VOPP1: variants seen among roughly 807,000 people sequenced by gnomAD.
The protein encoded by VOPP1 is VOPP1 WW domain binding protein, also known as WW domain binding protein VOPP1.
A neutral mutation model predicts 23.5 loss-of-function variants in VOPP1; 8 were observed. The observed-to-expected ratio is 0.34, with a 90% CI of 0.20 to 0.61. The LOEUF (loss-of-function observed/expected upper bound fraction) is 0.61, where lower values mean the gene tolerates loss of function less well. Ranked by LOEUF, VOPP1 falls within the 20% of genes least tolerant of loss-of-function variation. The pLI is 0.78. For missense variants in VOPP1, 174 were observed against 238.1 expected, an observed-to-expected ratio of 0.73 and a Z score of 1.77; for synonymous variants, 83 against 97.3, an observed-to-expected ratio of 0.85 and a Z score of 0.86.
chr7:55,490,083 G>A (rs1051794240), intron 4 of VOPP1, among the ~76,000 whole-genome samples: 6 of 152,086 alleles, frequency 3.9e-5, no homozygotes, highest in African/African-American at 1.4e-4. Context: ...AGCTGTGAAT[G>A]CGTCCTCAGT....
rs756736878 is a variant in VOPP1 at position 55,474,570 on chromosome 7, A to G, written c.329-1525T>C. 3.2e-4 allele frequency among the ~76,000 whole-genome samples: 48 copies of G among 152,362 alleles called. 1 individual carries two copies. The highest frequency in any genetic ancestry group is 3.4e-3 in the Middle Eastern group (1 of 294). ...GAAAAGGCCCTAGGTTCTGCTCACA[A>G]TAAGGGCCCCCCAACAGGCAGGGCA... On this transcript the variant is annotated intron_variant, in intron 4 of 4. Transcript: ENST00000285279.
At chr7:55,527,422 A>C (rs1448698854) in intron 1 of VOPP1, among the ~76,000 whole-genome samples, 2 of 152,244 alleles carry the variant, frequency 1.3e-5, no homozygotes, top group Non-Finnish European at 2.9e-5. Context: ...ACCACACCTG[A>C]AATTCACACA....
At chr7:55,501,860 C>T (rs1411862647) in intron 2 of VOPP1, among the ~76,000 whole-genome samples, 1 of 152,180 alleles carries the variant, frequency 6.6e-6, no homozygotes, top group Non-Finnish European at 1.5e-5. Context: ...CACCCTCTGC[C>T]ACCAAGATGC....
At chr7:55,542,928 T>A (rs1018382983) in intron 1 of VOPP1, among the ~76,000 whole-genome samples, 1 of 152,148 alleles carries the variant, frequency 6.6e-6, no homozygotes, top group Non-Finnish European at 1.5e-5. Flanking sequence ...TTATTTTTAT[T>A]TTTTTGGAGA....
At chr7:55,560,469 T>C (rs1797949373) in intron 1 of VOPP1, among the ~76,000 whole-genome samples, 1 of 152,088 alleles carries the variant, frequency 6.6e-6, no homozygotes, top group African/African-American at 2.4e-5. Flanking sequence ...ACAGAATCGC[T>C]GGCTTTGAAG....
chr7:55,539,070 G>T (rs1455308533), intron 1 of VOPP1, among the ~76,000 whole-genome samples: 1 of 151,330 alleles, frequency 6.6e-6, no homozygotes, highest in Non-Finnish European at 1.5e-5. Flanking sequence ...GGTGCCGGGT[G>T]TGATGGCTCA....
At chr7:55,541,789 T>C (rs1210711390) in intron 1 of VOPP1, among the ~76,000 whole-genome samples, 1 of 152,214 alleles carries the variant, frequency 6.6e-6, no homozygotes, top group African/African-American at 2.4e-5. Context: ...ATTCATGCTA[T>C]AACACAAGAG....
At chr7:55,482,347 ATTTTTT>A (rs11292753) in intron 4 of VOPP1, among the ~76,000 whole-genome samples, 7 of 127,794 alleles carry the variant, frequency 5.5e-5, no homozygotes, top group African/African-American at 2.0e-4. Flanking sequence ...GAAGGGAGGT[ATTTTTT>A]TTTTTTTTTT....
At chr7:55,540,214 A>C (rs1797057496) in intron 1 of VOPP1, among the ~76,000 whole-genome samples, 1 of 151,994 alleles carries the variant, frequency 6.6e-6, no homozygotes, top group South Asian at 2.1e-4. Context: ...CCTGGCCAAC[A>C]CAGTGAAACC....
chr7:55,572,491 T>G lies in VOPP1; in HGVS notation c.-167A>C, dbSNP rs1798405571. The G allele has an allele frequency of 8.6e-6, 2 of 231,712 alleles. No individual in the cohort carries two copies. Among genetic ancestry groups the G allele is most frequent in the Non-Finnish European group, 1.4e-5 (2 of 145,500 alleles). 14.4% of individuals were successfully genotyped at this position (231,712 alleles called of 1,614,324 possible). A position where few individuals can be genotyped will look rare whatever the true frequency, so the allele number is the denominator to read the frequency against. ...GGAGCCGGGGCGCGCCGCGCAGCCC[T>G]GGCTGCGCTCCGCCCCCGGCCGCCG... is the stretch of plus-strand genomic sequence containing the variant. On this transcript the variant is annotated 5_prime_UTR_variant, in exon 1 of 5. Transcript: ENST00000285279.
intron 3 of VOPP1, among the ~76,000 whole-genome samples, chr7:55,495,059 G>T (rs1338315949): frequency 2.6e-5 from 4 of 151,584 alleles, no homozygotes; most frequent in Non-Finnish European, 5.9e-5. Flanking sequence ...CGACCCCCCA[G>T]CCCCGAGTGT....
rs928945123 is a variant in VOPP1 at position 55,436,671 on chromosome 7, CGTGT to C, written n.418-501_418-498del. Among the ~76,000 whole-genome samples the C allele has an allele frequency of 4.0e-5, 6 of 149,286 alleles. No individual in the cohort carries two copies. In the South Asian group the frequency reaches 6.4e-4, roughly 16 times the overall value. The stretch of plus-strand genomic sequence containing the variant: ...GTGGGTGTGTGTGCGTGTGTGCGTG[CGTGT>C]GCGTGTGTGCATGTGCATGCGTGTG... On this transcript the variant is annotated intron_variant and non_coding_transcript_variant, in intron 4 of 4. Transcript: ENST00000462326.
At chr7:55,525,760 A>C (rs575252603) in intron 1 of VOPP1, among the ~76,000 whole-genome samples, 1 of 137,504 alleles carries the variant, frequency 7.3e-6, no homozygotes, top group East Asian at 2.2e-4. Flanking sequence ...TTAGTTTTCC[A>C]AAATCTCCCT....
intron 4 of VOPP1, among the ~76,000 whole-genome samples, chr7:55,485,512 A>G (rs1465352954): frequency 6.6e-6 from 1 of 152,236 alleles, no homozygotes; most frequent in African/African-American, 2.4e-5. Flanking sequence ...AGGGACTTCC[A>G]AATTCAGCCT....
At position 55,565,247 on chromosome 7, in the gene VOPP1, C is replaced by A. The variant is rs182615842; in HGVS notation, c.54+7024G>T. Among the ~76,000 whole-genome samples, 649 of 152,304 alleles carry A rather than the reference C, an allele frequency of 4.3e-3. 23 individuals carry two copies. The highest frequency in any genetic ancestry group is 0.041 in the Admixed American group (627 of 15,296). On this transcript the variant is annotated intron_variant, in intron 1 of 4. Coordinates refer to ENST00000285279, the MANE Select transcript of VOPP1 (RefSeq NM_030796.5). ...GGTATCTGAATGCAGATCACCTTCG[C>A]GTTTAGACACCCTCCTCCCGCATTC...
At chr7:55,564,839 T>C (rs1798113238) in intron 1 of VOPP1, among the ~76,000 whole-genome samples, 1 of 152,122 alleles carries the variant, frequency 6.6e-6, no homozygotes, top group East Asian at 1.9e-4. Flanking sequence ...TACAGGTGTA[T>C]GTCAGTGGGA....
chr7:55,478,049 G>A (rs983449717), intron 4 of VOPP1, among the ~76,000 whole-genome samples: 1 of 152,224 alleles, frequency 6.6e-6, no homozygotes, highest in African/African-American at 2.4e-5. Context: ...ACAAAGAAGA[G>A]CAACCGAGAG....
intron 1 of VOPP1, among the ~76,000 whole-genome samples, chr7:55,536,810 C>T (rs150128681): frequency 0.011 from 1,673 of 152,260 alleles, 11 homozygotes; most frequent in Middle Eastern, 0.02. Context: ...ATCTGCCACA[C>T]GGAAGGGCGC....
intron 1 of VOPP1, among the ~76,000 whole-genome samples, chr7:55,549,315 C>T (rs1277057214): frequency 1.3e-5 from 2 of 152,208 alleles, no homozygotes; most frequent in Non-Finnish European, 2.9e-5. Context: ...TCTCTCAGGG[C>T]AAGTGGCCCT....
Sources: allele counts gnomAD v4.1 joint callset (sites outside exome capture counted in the v4.1 genomes callset), GRCh38; gene constraint gnomAD v4.1.1; transcripts MANE v1.5; gene names NCBI Gene and HGNC (gene_info 2026-07-23, HGNC 2026-07-21).